Variants in PTPRD observed in about 807,000 individuals in gnomAD.
PTPRD encodes the protein protein tyrosine phosphatase receptor type D.
Under a neutral mutation model 214.5 loss-of-function variants are expected in PTPRD, and 34 were observed. The ratio of observed to expected loss-of-function variants is 0.16; its 90% CI spans 0.12 to 0.21. The LOEUF (loss-of-function observed/expected upper bound fraction) is 0.21, where lower values mean the gene tolerates loss of function less well. Ranked by LOEUF, PTPRD falls within the 10% of genes least tolerant of loss-of-function variation. The pLI, the probability that PTPRD is intolerant of heterozygous loss-of-function variation, is 1.00. For synonymous variants in PTPRD, 1,128 were observed against 845.7 expected (o/e 1.33, Z -5.79); for missense variants, 2,545 against 2,398.7 (o/e 1.06, Z -1.27).
At chr9:10,428,224 C>T (rs1565970432) in intron 2 of PTPRD, among the ~76,000 whole-genome samples, 3 of 151,802 alleles carry the variant, frequency 2.0e-5, no homozygotes, top group Non-Finnish European at 2.9e-5. Flanking sequence ...GAGGCTGAGG[C>T]GGGAGAATTG....
At chr9:9,022,647 A>G (rs2099573798) in intron 10 of PTPRD, among the ~76,000 whole-genome samples, 1 of 152,140 alleles carries the variant, frequency 6.6e-6, no homozygotes, top group Non-Finnish European at 1.5e-5. Context: ...CATTTCTCAG[A>G]ACGTATTCTT....
chr9:10,604,456 C>G (rs867835217), intron 2 of PTPRD, among the ~76,000 whole-genome samples: 2 of 151,160 alleles, frequency 1.3e-5, no homozygotes, highest in African/African-American at 2.4e-5. Flanking sequence ...ACTTCAAGCC[C>G]CTAAAAAAAA....
At chr9:8,321,487 G>GTGTA (rs1168847469) in intron 44 of PTPRD, among the ~76,000 whole-genome samples, 605 of 44,372 alleles carry the variant, frequency 0.014, 4 homozygotes, top group Non-Finnish European at 0.019. Flanking sequence ...GTGTGTGTGT[G>GTGTA]TATATATATA....
intron 14 of PTPRD, among the ~76,000 whole-genome samples, chr9:8,553,827 A>G (rs1200106203): frequency 6.6e-6 from 1 of 152,156 alleles, no homozygotes; most frequent in African/African-American, 2.4e-5. Flanking sequence ...TAACTTAAGG[A>G]GATGGAGCAC....
At chr9:10,076,024 A>G (rs1350061513) in intron 3 of PTPRD, among the ~76,000 whole-genome samples, 1 of 152,116 alleles carries the variant, frequency 6.6e-6, no homozygotes, top group Non-Finnish European at 1.5e-5. Context: ...TGAGTTCCTG[A>G]CAAAGGTTAT....
intron 3 of PTPRD, among the ~76,000 whole-genome samples, chr9:10,100,921 G>A (rs1416152501): frequency 6.6e-6 from 1 of 151,534 alleles, no homozygotes. Context: ...CTGAGATAAC[G>A]AAAAAGGTCA....
At chr9:10,359,096 A>C (rs2097330999) in intron 2 of PTPRD, among the ~76,000 whole-genome samples, 1 of 151,990 alleles carries the variant, frequency 6.6e-6, no homozygotes, top group African/African-American at 2.4e-5. Flanking sequence ...ACCAATGCAA[A>C]AGGATTTTTT....
chr9:10,277,887 G>C (rs149863035), intron 3 of PTPRD, among the ~76,000 whole-genome samples: 1 of 152,108 alleles, frequency 6.6e-6, no homozygotes, highest in Non-Finnish European at 1.5e-5. Flanking sequence ...GGCCGGGCTC[G>C]GTGGCTCATG....
intron 5 of PTPRD, among the ~76,000 whole-genome samples, chr9:9,839,883 T>C (rs554105920): frequency 6.6e-6 from 1 of 152,156 alleles, no homozygotes; most frequent in East Asian, 1.9e-4. Context: ...AAATCTAATA[T>C]TTATTTAAAC....
intron 9 of PTPRD, among the ~76,000 whole-genome samples, chr9:9,362,663 G>T (rs936665588): frequency 6.6e-6 from 1 of 151,030 alleles, no homozygotes; most frequent in Non-Finnish European, 1.5e-5. Flanking sequence ...GACTCTCAAG[G>T]GGCCAATACG....
At chr9:8,951,138 A>AGGGTGTGTGTGTGT (rs1555583270) in intron 11 of PTPRD, among the ~76,000 whole-genome samples, 1 of 147,124 alleles carries the variant, frequency 6.8e-6, no homozygotes, top group Non-Finnish European at 1.5e-5. Flanking sequence ...TAGGAAAAAG[A>AGGGTGTGTGTGTGT]GTGTGTGTGT....
intron 10 of PTPRD, among the ~76,000 whole-genome samples, chr9:9,045,057 T>C (rs1281505923): frequency 6.6e-6 from 1 of 152,138 alleles, no homozygotes; most frequent in Admixed American, 6.5e-5. Context: ...AAAAATATGA[T>C]GTTAAAGAAA....
At chr9:9,271,598 G>A (rs1942964324) in intron 9 of PTPRD, among the ~76,000 whole-genome samples, 1 of 151,378 alleles carries the variant, frequency 6.6e-6, no homozygotes, top group Non-Finnish European at 1.5e-5. Context: ...AATCTGGATA[G>A]CAAGTAGTAG....
chr9:9,035,894 T>G (rs866619426), intron 10 of PTPRD, among the ~76,000 whole-genome samples: 1 of 152,080 alleles, frequency 6.6e-6, no homozygotes, highest in Non-Finnish European at 1.5e-5. Context: ...GGGAGAAACA[T>G]ATTGAAACAT....
At chr9:8,801,352 A>G (rs1325558185) in intron 11 of PTPRD, among the ~76,000 whole-genome samples, 1 of 152,208 alleles carries the variant, frequency 6.6e-6, no homozygotes, top group Non-Finnish European at 1.5e-5. Context: ...TGTTTCACTG[A>G]TGTTTAGGTA....
rs749984204 is a variant in PTPRD, at chr9:9,195,665, G to A, written c.-202-12302C>T. Reference sequence around the variant, plus strand: ...TTCCCACAGAGTCTGTGGTATTGTTGCTTTCAGCTAGACCCTAGCAGTGTT... The same window carrying A: ...TTCCCACAGAGTCTGTGGTATTGTTACTTTCAGCTAGACCCTAGCAGTGTT... On this transcript the variant is annotated intron_variant, in intron 9 of 45. Transcript: ENST00000381196. Among the ~76,000 whole-genome samples, 9 of 150,304 alleles carry A rather than the reference G, an allele frequency of 6.0e-5. No homozygotes were observed. The East Asian group carries it at 7.9e-4, about 13-fold the overall frequency.
chr9:10,598,703 T>C (rs370873189), intron 2 of PTPRD, among the ~76,000 whole-genome samples: 1 of 81,146 alleles, frequency 1.2e-5, no homozygotes, highest in East Asian at 6.2e-4. Context: ...TGTGTGTGTG[T>C]GGTGTGTGGT....
chr9:10,193,100 A>AT (rs1300776989), intron 3 of PTPRD, among the ~76,000 whole-genome samples: 1 of 151,884 alleles, frequency 6.6e-6, no homozygotes, highest in African/African-American at 2.4e-5. Flanking sequence ...CAATTTCCAG[A>AT]TTTTTCAATT....
In PTPRD at chr9:10,492,256, T is replaced by G. The variant is rs60466046; in HGVS notation, c.-600+120142A>C. ...AATGGGATGGCTGGGTCAAATGGTATTACTGGTTCTAGATCCTTAAGAATT... is the reference window on the plus strand; with the variant it reads ...AATGGGATGGCTGGGTCAAATGGTAGTACTGGTTCTAGATCCTTAAGAATT... On this transcript the variant is annotated intron_variant, in intron 2 of 45. Transcript: ENST00000381196. 4.3e-3 allele frequency among the ~76,000 whole-genome samples: 654 copies of G among 152,302 alleles called. 4 individuals carry two copies. The highest frequency in any genetic ancestry group is 0.015 in the African/African-American group (622 of 41,568).
Sources: gnomAD v4.1 joint callset for allele counts (sites outside exome capture counted in the v4.1 genomes callset) on GRCh38, gnomAD v4.1.1 for gene constraint, MANE v1.5 for transcripts, NCBI Gene and HGNC (gene_info 2026-07-23, HGNC 2026-07-21) for gene names.